Variants in DNAH8 observed in about 807,000 individuals in gnomAD.
The protein encoded by DNAH8 is axonemal beta dynein heavy chain 8.
DNAH8 carries 382 observed loss-of-function variants against 562.1 expected under a neutral mutation model. The observed-to-expected ratio is 0.68, with a 90% CI of 0.63 to 0.74. The LOEUF (loss-of-function observed/expected upper bound fraction) is 0.74, where lower values mean the gene tolerates loss of function less well. DNAH8 is among the 30% of genes least tolerant of loss of function. DNAH8 has a pLI of 0.00. For synonymous variants in DNAH8, 1,881 were observed against 1,919.4 expected, an observed-to-expected ratio of 0.98 and a Z score of 0.52; for missense variants, 5,203 against 5,620.4, an observed-to-expected ratio of 0.93 and a Z score of 2.37.
chr6:38,971,472 ATT>A (rs3047889), intron 82 of DNAH8, 118 bp from the exon 83 acceptor site: 1,826 of 467,978 alleles, frequency 3.9e-3, no homozygotes, highest in Middle Eastern at 5.6e-3. Context: ...AACAGCAAAG[ATT>A]TTTTTTTTTT....
At chr6:38,931,771 C>A in intron 75 of DNAH8, 40 bp from the exon 76 acceptor site, 1 of 1,363,544 alleles carries the variant, frequency 7.3e-7, no homozygotes, top group Non-Finnish European at 1.0e-6. Flanking sequence ...CTTTCCCTGC[C>A]CTTTAAGCTG....
chr6:38,953,783 T>A (rs1361308934), intron 82 of DNAH8, among the ~76,000 whole-genome samples: 1 of 151,938 alleles, frequency 6.6e-6, no homozygotes, highest in Non-Finnish European at 1.5e-5. Flanking sequence ...AAAATCTGGA[T>A]AATAAATAAT....
intron 66 of DNAH8, 41 bp downstream of exon 66, chr6:38,911,627 G>A (rs542515000): frequency 2.3e-6 from 3 of 1,331,426 alleles, no homozygotes; most frequent in African/African-American, 2.9e-5. Context: ...TAGAAATAGG[G>A]TTTATTTGAT....
At position 38,890,644 on chromosome 6, in the gene DNAH8, T is replaced by A. The variant is rs1779281483; in HGVS notation, c.8474-8T>A. On this transcript the variant is annotated splice_region_variant and splice_polypyrimidine_tract_variant and intron_variant, in intron 57 of 92. Transcript: ENST00000327475. ...AAGCTTATACCTTCAATCTTGCTTA[T>A]CTTTCAGGAATTATTGGATGTGGAT... 6.3e-7 allele frequency: 1 copy of A among 1,584,854 alleles called. No homozygotes were observed.
intron 33 of DNAH8, among the ~76,000 whole-genome samples, chr6:38,839,771 G>T (rs956018424): frequency 6.6e-6 from 1 of 151,610 alleles, no homozygotes; most frequent in African/African-American, 2.4e-5. Context: ...CAAGTGATTC[G>T]CCTGCCTCGG....
intron 8 of DNAH8, among the ~76,000 whole-genome samples, chr6:38,742,967 C>T (rs1764635271): frequency 7.0e-6 from 1 of 142,014 alleles, no homozygotes; most frequent in East Asian, 2.0e-4. Context: ...TTAGATCGAG[C>T]TTGAGCGGTA....
At chr6:38,924,914 T>TTTC (rs1336157062) in intron 73 of DNAH8, 1 of 152,214 alleles carries the variant, frequency 6.6e-6, no homozygotes, top group East Asian at 1.9e-4. Flanking sequence ...CATACTAACC[T>TTTC]TCCTTGCTGG....
At chr6:38,971,464 C>T (rs1763342945) in intron 82 of DNAH8, 128 bp from the exon 83 acceptor site, 1 of 547,706 alleles carries the variant, frequency 1.8e-6, no homozygotes, top group Non-Finnish European at 2.9e-6. Flanking sequence ...CCTGTTTGAA[C>T]AGCAAAGATT....
At chr6:38,718,055 A>G (rs955081101) in intron 1 of DNAH8, among the ~76,000 whole-genome samples, 9 of 152,194 alleles carry the variant, frequency 5.9e-5, no homozygotes, top group Non-Finnish European at 1.3e-4. Context: ...CTGCATATAT[A>G]GCTCTACCTC....
chr6:38,766,135 T>TGTGTGTGTGTGTGTGTGTG (rs1766963293), intron 11 of DNAH8, among the ~76,000 whole-genome samples: 1 of 128,914 alleles, frequency 7.8e-6, no homozygotes, highest in South Asian at 2.8e-4. Context: ...ATGTATGTGT[T>TGTGTGTGTGTGTGTGTGTG]TGTATGTGTG....
intron 26 of DNAH8, among the ~76,000 whole-genome samples, chr6:38,820,902 AT>A (rs1262714890): frequency 1.3e-5 from 2 of 152,148 alleles, no homozygotes; most frequent in Admixed American, 6.5e-5. Flanking sequence ...GAAAGCCTGA[AT>A]TTTTTCCCCC....
intron 8 of DNAH8, among the ~76,000 whole-genome samples, chr6:38,749,163 A>G (rs146253049): frequency 1.6e-4 from 24 of 152,302 alleles, no homozygotes; most frequent in African/African-American, 5.5e-4. Flanking sequence ...AAAATGTGGC[A>G]CATATACACC....
At chr6:38,956,922 T>C (rs2150652182) in intron 82 of DNAH8, among the ~76,000 whole-genome samples, 1 of 152,280 alleles carries the variant, frequency 6.6e-6, no homozygotes, top group African/African-American at 2.4e-5. Flanking sequence ...ATGGCAGTAG[T>C]TAGTCCTTAC....
chr6:38,981,186 A>G (rs1436577750), intron 85 of DNAH8, among the ~76,000 whole-genome samples: 2 of 152,130 alleles, frequency 1.3e-5, no homozygotes, highest in Non-Finnish European at 2.9e-5. Context: ...CACCTTAGGC[A>G]CTAGAATTAG....
At chr6:38,739,455 A>G (rs1247656238) in intron 7 of DNAH8, among the ~76,000 whole-genome samples, 1 of 152,226 alleles carries the variant, frequency 6.6e-6, no homozygotes, top group Non-Finnish European at 1.5e-5. Context: ...ACAAAAATGA[A>G]TATGATGAAA....
chr6:38,778,165 C>T (rs1768246727), intron 13 of DNAH8, among the ~76,000 whole-genome samples: 1 of 152,124 alleles, frequency 6.6e-6, no homozygotes, highest in Admixed American at 6.5e-5. Context: ...ATGTATTTTA[C>T]ATTTATAGAC....
At chr6:38,865,212 T>G (rs1391732264) in intron 45 of DNAH8, among the ~76,000 whole-genome samples, 1 of 152,182 alleles carries the variant, frequency 6.6e-6, no homozygotes, top group Non-Finnish European at 1.5e-5. Context: ...AATGTCCCCA[T>G]GGATAAAGAT....
chr6:38,883,933 G>A lies in DNAH8; in HGVS notation c.8194G>A (p.Gly2732Arg). Reference protein sequence around the residue: ...RIGSTYGPPGGRKMTVFIDDI... With the variant: ...RIGSTYGPPGRRKMTVFIDDI... Reference sequence around the variant, plus strand: ...TGGAAGCACATATGGGCCACCAGGAGGGAGAAAAATGACTGTATTTATTGA... The same window carrying A: ...TGGAAGCACATATGGGCCACCAGGAAGGAGAAAAATGACTGTATTTATTGA... Residue 2732 changes from glycine to arginine, a missense_variant, in exon 56 of 93, where the codon GGG becomes AGG. By Grantham distance (125) the Gly-to-Arg change is moderately radical. Coordinates refer to ENST00000327475, the MANE Select transcript of DNAH8 (RefSeq NM_001206927.2). 6.3e-7 allele frequency: 1 copy of A among 1,592,208 alleles called. No homozygotes were observed. The highest frequency in any genetic ancestry group is 8.6e-7 in the Non-Finnish European group (1 of 1,167,858).
intron 91 of DNAH8, among the ~76,000 whole-genome samples, chr6:39,026,249 A>G (rs1413138819): frequency 6.6e-6 from 1 of 152,236 alleles, no homozygotes; most frequent in African/African-American, 2.4e-5. Context: ...ATTGGGTTAC[A>G]AGCCTTTAAG....
Sources: gnomAD v4.1 joint callset for allele counts (sites outside exome capture counted in the v4.1 genomes callset) on GRCh38, gnomAD v4.1.1 for gene constraint, MANE v1.5 for transcripts, NCBI Gene and HGNC (gene_info 2026-07-23, HGNC 2026-07-21) for gene names.